The following PDF variants were observed in gnomAD, a reference collection of about 807,000 sequenced individuals.
The protein encoded by PDF is peptide deformylase-like protein.
A neutral mutation model predicts 20.3 loss-of-function variants in PDF; 31 were observed. That is an observed-to-expected ratio of 1.52 (90% CI 1.15 to 2.06). The LOEUF (loss-of-function observed/expected upper bound fraction) is 2.06, where lower values mean the gene tolerates loss of function less well. PDF is among the 30% of genes most tolerant of loss of function. The pLI is 0.00. For missense variants in PDF, 447 were observed against 362.5 expected (o/e 1.23, Z -1.89); for synonymous variants, 254 against 172.0 (o/e 1.48, Z -3.73).
At chr16:69,329,240 C>T (rs1965702718) in intron 1 of PDF, 61 bp from the exon 2 acceptor site, 1 of 1,466,958 alleles carries the variant, frequency 6.8e-7, no homozygotes, top group Non-Finnish European at 9.0e-7. Context: ...TCCTCAACCT[C>T]CCTACCCCTG....
At chr16:69,329,789 G>A (rs1464366391) in intron 1 of PDF, among the ~76,000 whole-genome samples, 2 of 152,250 alleles carry the variant, frequency 1.3e-5, no homozygotes, top group Non-Finnish European at 2.9e-5. Flanking sequence ...AGCGGAACTA[G>A]GGGACCTCTC....
In PDF at chr16:69,328,862, A is replaced by G. The variant is rs1441912339; in HGVS notation, c.*160T>C. ...GTCCGTAACTGATTTCAGGGCAAACATTTCTGACATCTTCCTCCAGCTCAG... is the reference window on the plus strand; with the variant it reads ...GTCCGTAACTGATTTCAGGGCAAACGTTTCTGACATCTTCCTCCAGCTCAG... On this transcript the variant is annotated 3_prime_UTR_variant, in exon 2 of 2. Transcript: ENST00000288022. 32 of 967,800 alleles carry G rather than the reference A, an allele frequency of 3.3e-5. No individual in the cohort carries two copies. In the East Asian group the frequency reaches 8.4e-4, roughly 25 times the overall value. The allele number at this position is 967,800 out of a possible 1,614,324, so 60.0% of individuals were successfully genotyped here.
intron 1 of PDF, 78 bp from the exon 2 acceptor site, chr16:69,329,257 G>T: frequency 7.1e-7 from 1 of 1,409,322 alleles, no homozygotes; most frequent in Non-Finnish European, 9.2e-7. Context: ...CCTGCCCCCG[G>T]TCCTGGCTGT....
At position 69,330,001 on chromosome 16, in the gene PDF, G is replaced by A. The variant is rs1237189747; in HGVS notation, c.570C>T (p.Ile190=). The A allele has an allele frequency of 5.2e-6, 8 of 1,537,748 alleles. No individual in the cohort carries two copies. Among genetic ancestry groups the A allele is most frequent in the Non-Finnish European group, 1.8e-6 (2 of 1,142,206 alleles). ...CCCGGTCCCCGCCGCCCGCACCTGA[G>A]ATCTGCACCGCCTGGAAGCGGGGCA... is the stretch of plus-strand genomic sequence containing the variant. ...ACVPRFQAVQ[I]SGLDPNGEQV... Residue 190 remains isoleucine, a synonymous_variant, in exon 1 of 2, where the codon ATC becomes ATT. Coordinates refer to ENST00000288022, the MANE Select transcript of PDF (RefSeq NM_022341.2).
In PDF at chr16:69,330,166, G is replaced by T. The variant is rs770194037; in HGVS notation, c.405C>A (p.Cys135Ter). 2.0e-6 allele frequency: 3 copies of T among 1,530,634 alleles called. No homozygotes were observed. In the South Asian group the frequency reaches 3.7e-5, roughly 19 times the overall value. 94.8% of individuals were successfully genotyped at this position (1,530,634 alleles called of 1,614,324 possible). Residue 135 changes from cysteine (C) to a stop codon, truncating the protein, a stop_gained, in exon 1 of 2, where the codon TGC becomes TGA. Coordinates refer to ENST00000288022, the MANE Select transcript of PDF (RefSeq NM_022341.2). LOFTEE classifies it high-confidence loss of function. The part of the protein sequence containing the change: ...LELPEALCRE[C>*]PPRQRALRQM... The stretch of plus-strand genomic sequence containing the variant: ...GGCGGAGCGCGCGCTGGCGGGGCGG[G>T]CACTCCCGACACAGCGCCTCGGGGA...
chr16:69,329,684 T>C (rs971825686), intron 1 of PDF, among the ~76,000 whole-genome samples: 2 of 152,168 alleles, frequency 1.3e-5, no homozygotes, highest in African/African-American at 4.8e-5. Context: ...CCCCCACTTC[T>C]CCAACTCCAC....
chr16:69,328,850 T>G lies in PDF; in HGVS notation c.*172A>C. On this transcript the variant is annotated 3_prime_UTR_variant, in exon 2 of 2. Coordinates refer to ENST00000288022, the MANE Select transcript of PDF (RefSeq NM_022341.2). ...AGCCAACATTTTGTCCGTAACTGAT[T>G]TCAGGGCAAACATTTCTGACATCTT... The G allele has an allele frequency of 2.3e-6, 2 of 879,494 alleles. No individual in the cohort carries two copies. The highest frequency in any genetic ancestry group is 3.4e-6 in the Non-Finnish European group (2 of 588,872). The allele number at this position is 879,494 out of a possible 1,614,324, so 54.5% of individuals were successfully genotyped here. A position where few individuals can be genotyped will look rare whatever the true frequency, so the allele number is the denominator to read the frequency against.
At chr16:69,329,257 G>A in intron 1 of PDF, 78 bp from the exon 2 acceptor site, 1 of 1,409,322 alleles carries the variant, frequency 7.1e-7, no homozygotes, top group Non-Finnish European at 9.2e-7. Flanking sequence ...CCTGCCCCCG[G>A]TCCTGGCTGT....
intron 1 of PDF, 30 bp from the exon 2 acceptor site, chr16:69,329,209 G>A (rs1429824110): frequency 1.3e-6 from 2 of 1,552,624 alleles, no homozygotes; most frequent in African/African-American, 1.4e-5. Flanking sequence ...CCTGGTGAGT[G>A]GGAACAGCTG....
Position 69,330,260 on chromosome 16 carries a change from C to A in PDF, c.311G>T (p.Arg104Leu). 1 of 1,438,422 alleles carries A rather than the reference C, an allele frequency of 7.0e-7. No homozygotes were observed. Among genetic ancestry groups the A allele is most frequent in the Middle Eastern group, 2.4e-4 (1 of 4,230 alleles). 89.1% of individuals were successfully genotyped at this position (1,438,422 alleles called of 1,614,324 possible). A position where few individuals can be genotyped will look rare whatever the true frequency, so the allele number is the denominator to read the frequency against. Reference protein sequence around the residue: ...RLTQRLVQVMRRRRCVGLSAP... With the variant: ...RLTQRLVQVMLRRRCVGLSAP... ...GCTTAGGCCCACGCAGCGCCGCCGC[C>A]GCATCACCTGGACCAGCCGTTGCGT... Residue 104 changes from arginine to leucine, a missense_variant, in exon 1 of 2, where the codon CGG becomes CTG. Arg to Leu is a moderately radical substitution (Grantham distance 102, BLOSUM62 -2). Transcript: ENST00000288022.
In PDF at chr16:69,327,723, CTG is replaced by C. The variant is rs1965644140; in HGVS notation, c.*1297_*1298del. On this transcript the variant is annotated 3_prime_UTR_variant, in exon 2 of 2. Transcript: ENST00000288022. ...ATGAGGTGAAACAGTTTAACTAAAACTGGAGTTTGGCTGGGTAGTGTGGCTCA... is the reference window on the plus strand; with the variant it reads ...ATGAGGTGAAACAGTTTAACTAAAACGAGTTTGGCTGGGTAGTGTGGCTCA... 1 of 152,106 alleles carries C rather than the reference CTG, an allele frequency of 6.6e-6. No individual in the cohort carries two copies. Among genetic ancestry groups the C allele is most frequent in the African/African-American group, 2.4e-5 (1 of 41,486 alleles). 9.4% of individuals were successfully genotyped at this position (152,106 alleles called of 1,614,324 possible).
rs1018138824 is a variant in PDF, at chr16:69,330,562, C to G, written c.9G>C (p.Arg3=). Residue 3 remains arginine (R), a synonymous_variant, in exon 1 of 2, where the codon CGG becomes CGC. Transcript: ENST00000288022. ...GCCAAAGACTCAGCGCGCCCCACAG[C>G]CGGGCCATGGCGGCCCCCTTAACAG... MA[R]LWGALSLWPL... The G allele has an allele frequency of 2.7e-6, 4 of 1,465,506 alleles. No homozygotes were observed. The highest frequency in any genetic ancestry group is 2.7e-6 in the Non-Finnish European group (3 of 1,118,500). 90.8% of individuals were successfully genotyped at this position (1,465,506 alleles called of 1,614,324 possible).
Position 69,328,916 on chromosome 16 carries a change from T to G in PDF, c.*106A>C. 1.4e-6 allele frequency: 2 copies of G among 1,425,564 alleles called. No individual in the cohort carries two copies. Among genetic ancestry groups the G allele is most frequent in the Middle Eastern group, 1.8e-4 (1 of 5,608 alleles). The allele number at this position is 1,425,564 out of a possible 1,614,324, so 88.3% of individuals were successfully genotyped here. A position where few individuals can be genotyped will look rare whatever the true frequency, so the allele number is the denominator to read the frequency against. Reference sequence around the variant, plus strand: ...GCCATGCCTTGGCAATCCAGTTTCCTGTCATATGCGAGCCATCCAAGTTGA... The same window carrying G: ...GCCATGCCTTGGCAATCCAGTTTCCGGTCATATGCGAGCCATCCAAGTTGA... On this transcript the variant is annotated 3_prime_UTR_variant, in exon 2 of 2. Transcript: ENST00000288022.
rs1459327862 is a variant in PDF, at chr16:69,328,581, G to A, written c.*441C>T. 1 of 182,704 alleles carries A rather than the reference G, an allele frequency of 5.5e-6. No individual in the cohort carries two copies. The highest frequency in any genetic ancestry group is 1.1e-5 in the Non-Finnish European group (1 of 88,182). The allele number at this position is 182,704 out of a possible 1,614,324, so 11.3% of individuals were successfully genotyped here. On this transcript the variant is annotated 3_prime_UTR_variant, in exon 2 of 2. Coordinates refer to ENST00000288022, the MANE Select transcript of PDF (RefSeq NM_022341.2). ...TTCCATAAGCAAACTGGCGTCTAAG[G>A]CCACAAGCCCTCCGTAAAAATAAGA...
Position 69,330,524 on chromosome 16 carries a change from G to T in PDF, c.47C>A (p.Ala16Asp). The T allele has an allele frequency of 6.8e-7, 1 of 1,476,046 alleles. No homozygotes were observed. 91.4% of individuals were successfully genotyped at this position (1,476,046 alleles called of 1,614,324 possible). A position where few individuals can be genotyped will look rare whatever the true frequency, so the allele number is the denominator to read the frequency against. Reference protein sequence around the residue: ...GALSLWPLWAAVPWGGAAAVG... With the variant: ...GALSLWPLWADVPWGGAAAVG... ...GGCTGCCGCCCCGCCCCACGGCACG[G>T]CCGCCCACAGTGGCCAAAGACTCAG... The change falls in exon 1 of 2, where the codon GCC (alanine) becomes GAC (aspartate). Residue 16 changes from alanine to aspartate, a missense_variant. Transcript: ENST00000288022.
intron 1 of PDF, 25 bp from the exon 2 acceptor site, chr16:69,329,204 T>C: frequency 6.4e-7 from 1 of 1,564,362 alleles, no homozygotes; most frequent in African/African-American, 1.4e-5. Flanking sequence ...ACAGCCCTGG[T>C]GAGTGGGAAC....
rs2011670828 is a variant in PDF, at chr16:69,330,148, C to T, written c.423G>A (p.Ala141=). 2.6e-6 allele frequency: 4 copies of T among 1,549,674 alleles called. No individual in the cohort carries two copies. In the African/African-American group the frequency reaches 4.3e-5, roughly 17 times the overall value. The stretch of plus-strand genomic sequence containing the variant: ...GGGGGAAGGGCTCCATTTGGCGGAG[C>T]GCGCGCTGGCGGGGCGGGCACTCCC... ...LCRECPPRQR[A]LRQMEPFPLR... is the part of the protein sequence containing the mutation. Residue 141 remains alanine (A), a synonymous_variant, in exon 1 of 2, where the codon GCG becomes GCA. Coordinates refer to ENST00000288022, the MANE Select transcript of PDF (RefSeq NM_022341.2).
At position 69,326,994 on chromosome 16, in the gene PDF, A is replaced by G. The variant is rs1341446380; in HGVS notation, c.*2028T>C. On this transcript the variant is annotated 3_prime_UTR_variant, in exon 2 of 2. Coordinates refer to ENST00000288022, the MANE Select transcript of PDF (RefSeq NM_022341.2). ...AGAAAGCTATAAGAAGCATCAAAAG[A>G]TTGCCATAGCCCCCTGTAAGAGCTT... 3 of 152,116 alleles carry G rather than the reference A, an allele frequency of 2.0e-5. No individual in the cohort carries two copies. The highest frequency in any genetic ancestry group is 7.2e-5 in the African/African-American group (3 of 41,406). 9.4% of individuals were successfully genotyped at this position (152,116 alleles called of 1,614,324 possible).
In PDF at chr16:69,330,540, A is replaced by T; in HGVS notation, c.31T>A (p.Trp11Arg). The part of the protein sequence containing the change: MARLWGALSL[W>R]PLWAAVPWGG... ...CACGGCACGGCCGCCCACAGTGGCCAAAGACTCAGCGCGCCCCACAGCCGG... is the reference window on the plus strand; with the variant it reads ...CACGGCACGGCCGCCCACAGTGGCCTAAGACTCAGCGCGCCCCACAGCCGG... Residue 11 changes from tryptophan (W) to arginine (R), a missense_variant, in exon 1 of 2, where the codon TGG becomes AGG. Physicochemically the swap from Trp to Arg is moderately radical, Grantham distance 101. Transcript: ENST00000288022. The T allele has an allele frequency of 1.4e-6, 2 of 1,476,680 alleles. No homozygotes were observed. The highest frequency in any genetic ancestry group is 4.8e-5 in the Admixed American group (2 of 41,656). 91.5% of individuals were successfully genotyped at this position (1,476,680 alleles called of 1,614,324 possible).
Sources: allele counts gnomAD v4.1 joint callset (sites outside exome capture counted in the v4.1 genomes callset), GRCh38; gene constraint gnomAD v4.1.1; transcripts MANE v1.5; gene names NCBI Gene and HGNC (gene_info 2026-07-23, HGNC 2026-07-21).